KAZN: variants seen among roughly 807,000 people sequenced by gnomAD.
KAZN encodes the protein kazrin.
A neutral mutation model predicts 87.4 loss-of-function variants in KAZN; 40 were observed. The ratio of observed to expected loss-of-function variants is 0.46; its 90% CI spans 0.36 to 0.60. The LOEUF is 0.60. Ranked by LOEUF, KAZN falls within the 20% of genes least tolerant of loss-of-function variation. The probability of loss-of-function intolerance (pLI) is 0.00; values close to 1 mark genes in which losing one functional copy is unlikely to be tolerated. For missense variants in KAZN, 898 were observed against 1,073.9 expected (o/e 0.84, Z 2.29); for synonymous variants, 466 against 458.3 (o/e 1.02, Z -0.22).
chr1:14,079,856 G>A (rs1002697828), intron 1 of KAZN, among the ~76,000 whole-genome samples: 4 of 151,134 alleles, frequency 2.6e-5, no homozygotes, highest in South Asian at 2.1e-4. Context: ...TGAGGGACCC[G>A]CCCCCATGAC....
intron 2 of KAZN, among the ~76,000 whole-genome samples, chr1:14,316,262 T>C (rs548242876): frequency 6.6e-6 from 1 of 152,196 alleles, no homozygotes; most frequent in South Asian, 2.1e-4. Context: ...AAGAGTTCTT[T>C]ATGTTACTTT....
chr1:14,830,408 G>A (rs146128720), intron 1 of KAZN, among the ~76,000 whole-genome samples: 1 of 152,300 alleles, frequency 6.6e-6, no homozygotes, highest in East Asian at 1.9e-4. Flanking sequence ...TGCTTTAATT[G>A]TCAGGCCTGA....
chr1:14,976,825 G>A lies in KAZN; in HGVS notation c.418+15950G>A, dbSNP rs138649354. 3.5e-3 allele frequency among the ~76,000 whole-genome samples: 528 copies of A among 152,264 alleles called. 3 individuals carry two copies. The highest frequency in any genetic ancestry group is 0.011 in the African/African-American group (442 of 41,552). ...TCTCAGCACTTTGGGAGGCCGAGGC[G>A]AGCAGATCACAAGGTCAAGGAGTTC... On this transcript the variant is annotated intron_variant, in intron 2 of 14. Coordinates refer to ENST00000376030, the MANE Select transcript of KAZN (RefSeq NM_201628.3).
intron 2 of KAZN, among the ~76,000 whole-genome samples, chr1:14,430,195 C>T (rs1397718958): frequency 3.3e-5 from 5 of 150,678 alleles, no homozygotes; most frequent in Non-Finnish European, 7.4e-5. Flanking sequence ...TCCACCTCCA[C>T]CACCTCTGCC....
At chr1:15,101,115 C>G (rs1047051081) in intron 10 of KAZN, among the ~76,000 whole-genome samples, 7 of 147,578 alleles carry the variant, frequency 4.7e-5, no homozygotes, top group African/African-American at 1.7e-4. Flanking sequence ...TTCCTGTTCC[C>G]TTCCGTTTGT....
chr1:14,512,176 G>A (rs757279738), intron 2 of KAZN, among the ~76,000 whole-genome samples: 8 of 152,232 alleles, frequency 5.3e-5, no homozygotes, highest in Middle Eastern at 3.4e-3. Context: ...TTGTGTGTTC[G>A]CGGGTCAGGA....
intron 2 of KAZN, among the ~76,000 whole-genome samples, chr1:14,992,542 G>A (rs1667454797): frequency 6.6e-6 from 1 of 152,228 alleles, no homozygotes; most frequent in Non-Finnish European, 1.5e-5. Context: ...CCACCGCTGT[G>A]AGCTCATCTC....
intron 1 of KAZN, among the ~76,000 whole-genome samples, chr1:14,680,879 A>G (rs1194981496): frequency 6.6e-6 from 1 of 152,146 alleles, no homozygotes; most frequent in South Asian, 2.1e-4. Context: ...GAAAGAAAAG[A>G]GCCTTCATTG....
chr1:14,937,756 G>T (rs929998202), intron 1 of KAZN, among the ~76,000 whole-genome samples: 1 of 152,230 alleles, frequency 6.6e-6, no homozygotes. Context: ...ACGGCATCTG[G>T]CTCCTCTCAG....
At chr1:14,640,157 T>C (rs1403838604) in intron 1 of KAZN, among the ~76,000 whole-genome samples, 1 of 152,214 alleles carries the variant, frequency 6.6e-6, no homozygotes, top group Non-Finnish European at 1.5e-5. Flanking sequence ...CCCCTTTATA[T>C]TTTAGATAAT....
At chr1:14,878,669 C>A (rs985253813) in intron 1 of KAZN, among the ~76,000 whole-genome samples, 1 of 152,294 alleles carries the variant, frequency 6.6e-6, no homozygotes, top group East Asian at 1.9e-4. Flanking sequence ...AAAGGACATT[C>A]GGCCCTCAGC....
chr1:15,101,442 A>G, intron 10 of KAZN, 101 bp from the exon 11 acceptor site: 1 of 765,992 alleles, frequency 1.3e-6, no homozygotes. Context: ...CCCCAACCCC[A>G]TTGCTTTTCC....
intron 1 of KAZN, among the ~76,000 whole-genome samples, chr1:13,914,529 G>A (rs1035913652): frequency 4.6e-5 from 7 of 152,172 alleles, no homozygotes; most frequent in Non-Finnish European, 1.5e-5. Flanking sequence ...TATGTTATAC[G>A]GCCCTTATAT....
intron 1 of KAZN, among the ~76,000 whole-genome samples, chr1:13,954,866 A>G (rs138823070): frequency 6.6e-6 from 1 of 152,224 alleles, no homozygotes; most frequent in African/African-American, 2.4e-5. Context: ...TGTCAGCATT[A>G]GTTTTTACGA....
At chr1:14,138,830 A>T (rs775998222) in intron 1 of KAZN, among the ~76,000 whole-genome samples, 1 of 152,186 alleles carries the variant, frequency 6.6e-6, no homozygotes, top group Non-Finnish European at 1.5e-5. Flanking sequence ...TCTAATGCTA[A>T]CAGATGGTTC....
At chr1:14,617,399 G>C (rs1244798103) in intron 1 of KAZN, among the ~76,000 whole-genome samples, 1 of 152,240 alleles carries the variant, frequency 6.6e-6, no homozygotes, top group African/African-American at 2.4e-5. Flanking sequence ...GCTAAAAAAT[G>C]GTGATACAGA....
At position 14,773,482 on chromosome 1, in the gene KAZN, G is replaced by A. The variant is rs1027217011; in HGVS notation, c.226+174259G>A. 2.0e-5 allele frequency among the ~76,000 whole-genome samples: 3 copies of A among 152,160 alleles called. No homozygotes were observed. Among genetic ancestry groups the A allele is most frequent in the Non-Finnish European group, 4.4e-5 (3 of 68,030 alleles). ...GTGTGAAACGTAAACACCCCCGAGG[G>A]AGGAAGGCCCTTCCAGAGTGGTCAC... is the stretch of plus-strand genomic sequence containing the variant. On this transcript the variant is annotated intron_variant, in intron 1 of 14. Coordinates refer to ENST00000376030, the MANE Select transcript of KAZN (RefSeq NM_201628.3). This position sits in a 1 kb window ranked among gnomAD's most constrained non-coding sequence, Gnocchi z 5.9.
chr1:14,269,410 T>C (rs1400104536), intron 2 of KAZN, among the ~76,000 whole-genome samples: 5 of 152,086 alleles, frequency 3.3e-5, no homozygotes, highest in Non-Finnish European at 7.4e-5. Context: ...ATAAAGGATA[T>C]ATCTTAATAT....
At chr1:14,148,840 C>T (rs762749553) in intron 1 of KAZN, among the ~76,000 whole-genome samples, 3 of 152,278 alleles carry the variant, frequency 2.0e-5, no homozygotes, top group East Asian at 1.9e-4. Flanking sequence ...TGTCAACATC[C>T]GTATCAGCTG....
Sources: gnomAD v4.1 joint callset for allele counts (sites outside exome capture counted in the v4.1 genomes callset) on GRCh38, gnomAD v4.1.1 for gene constraint, Gnocchi (gnomAD v3.1) non-coding constraint, MANE v1.5 for transcripts, NCBI Gene and HGNC (gene_info 2026-07-23, HGNC 2026-07-21) for gene names.